The following H2BC12 variants were observed in gnomAD, a reference collection of about 807,000 sequenced individuals.
H2BC12 encodes histone H2B type 1-K.
H2BC12 carries 6 observed loss-of-function variants against 6.3 expected under a neutral mutation model. The ratio of observed to expected loss-of-function variants is 0.95; its 90% confidence interval spans 0.52 to 1.87. The LOEUF is 1.87. Among genes scored for constraint, H2BC12 ranks in the 40% most tolerant of loss-of-function variants. The pLI is 0.01. For synonymous variants in H2BC12, 132 were observed against 78.5 expected (o/e 1.68, Z -3.60); for missense variants, 119 against 178.4 (o/e 0.67, Z 1.90).
At chr6:27,139,530 G>A in the H2BC12 span, 1 of 1,614,040 alleles carries the variant, frequency 6.2e-7, no homozygotes, top group African/African-American at 1.3e-5. Flanking sequence ...TGACCTACAC[G>A]GAGCACGCCA....
chr6:27,139,557 C>G, the H2BC12 span: 1 of 1,614,092 alleles, frequency 6.2e-7, no homozygotes, highest in South Asian at 1.1e-5. Flanking sequence ...AGACGGTCAC[C>G]GCCATGGACG....
At chr6:27,139,494 C>T in the H2BC12 span, 10 of 1,614,026 alleles carry the variant, frequency 6.2e-6, no homozygotes, top group Non-Finnish European at 8.5e-6. Context: ...TGAAGGTGTT[C>T]CTGGAGAACG....
At chr6:27,143,474 A>G (rs1479026590), downstream of H2BC12, among the ~76,000 whole-genome samples, 1 of 152,124 alleles carries the variant, frequency 6.6e-6, no homozygotes, top group Non-Finnish European at 1.5e-5. Flanking sequence ...ATTACAATTC[A>G]TAGGCATTGA....
At chr6:27,141,643 C>G (rs189282574), downstream of H2BC12, among the ~76,000 whole-genome samples, 5 of 152,172 alleles carry the variant, frequency 3.3e-5, no homozygotes, top group African/African-American at 4.8e-5. Context: ...TCACTTAATC[C>G]CAATTGGAAT....
chr6:27,141,729 T>C (rs1240874103), downstream of H2BC12, among the ~76,000 whole-genome samples: 1 of 152,236 alleles, frequency 6.6e-6, no homozygotes, highest in East Asian at 1.9e-4. Context: ...ATGTTATTGT[T>C]AAATCTGCAG....
At chr6:27,145,378 A>T (rs573388351), downstream of H2BC12, among the ~76,000 whole-genome samples, 57 of 151,604 alleles carry the variant, frequency 3.8e-4, 1 homozygote, top group Non-Finnish European at 4.9e-4. Context: ...CTAAATCACA[A>T]ATTTAGCCAG....
chr6:27,144,227 C>T (rs1001416528), downstream of H2BC12, among the ~76,000 whole-genome samples: 1 of 152,012 alleles, frequency 6.6e-6, no homozygotes, highest in African/African-American at 2.4e-5. Flanking sequence ...TTTAGGAGGC[C>T]GAGGCAGGTG....
rs759189956 is a variant in H2BC12, at chr6:27,146,681, C to G, written c.118G>C (p.Val40Leu). 1.2e-6 allele frequency: 2 copies of G among 1,614,122 alleles called. No homozygotes were observed. Among genetic ancestry groups the G allele is most frequent in the Non-Finnish European group, 1.7e-6 (2 of 1,180,046 alleles). ...TGCTTCAGCACCTTGTACACGTATA[C>G]GGAGTAGCTCTCCTTGCGGCTGCGC... ...RKRSRKESYS[V>L]YVYKVLKQVH... The change falls in exon 1 of 1, where the codon GTA becomes CTA. Residue 40 changes from valine (V) to leucine (L), a missense_variant. Physicochemically the swap from Val to Leu is conservative, Grantham distance 32 (BLOSUM62 1). This residue lies in a region of H2BC12 where 69 missense variants were observed against 141.0 expected (regional missense o/e 0.49). Coordinates refer to ENST00000356950, the MANE Select transcript of H2BC12 (RefSeq NM_001312653.2).
At chr6:27,145,968 C>G (rs543383549), downstream of H2BC12, among the ~76,000 whole-genome samples, 1 of 152,278 alleles carries the variant, frequency 6.6e-6, no homozygotes, top group South Asian at 2.1e-4. Flanking sequence ...GAAAGCCATA[C>G]GTACTGGAAC....
the H2BC12 span, among the ~76,000 whole-genome samples, chr6:27,140,926 C>A: frequency 6.7e-6 from 1 of 149,912 alleles, no homozygotes; most frequent in South Asian, 2.1e-4. Context: ...TTCGTGATAT[C>A]TTTGGATGTG....
the H2BC12 span, among the ~76,000 whole-genome samples, chr6:27,141,340 A>G: frequency 6.6e-6 from 1 of 152,130 alleles, no homozygotes; most frequent in Non-Finnish European, 1.5e-5. Context: ...CTCGTATCTC[A>G]TATTCTTGTG....
At chr6:27,139,355 CCAAGCGCCACCGCAAGGTGCTGCGCGA>C in the H2BC12 span, 2 of 1,613,858 alleles carry the variant, frequency 1.2e-6, no homozygotes, top group African/African-American at 1.3e-5. Flanking sequence ...AAAGGGGGTG[CCAAGCGCCACCGCAAGGTGCTGCGCGA>C]CAACATCCAG....
In H2BC12 at chr6:27,146,622, G is replaced by A. The variant is rs769220282; in HGVS notation, c.177C>T (p.Ala59=). The A allele has an allele frequency of 1.2e-5, 20 of 1,614,134 alleles. No individual in the cohort carries two copies. Among genetic ancestry groups the A allele is most frequent in the African/African-American group, 8.0e-5 (6 of 74,944 alleles). Residue 59 remains alanine, a synonymous_variant, in exon 1 of 1, where the codon GCC becomes GCT. Transcript: ENST00000356950. ...TGACGAAGGAGTTCATGATTCCCAT[G>A]GCCTTAGAGGAGATGCCGGTGTCGG... ...VHPDTGISSK[A]MGIMNSFVND...
the H2BC12 span, chr6:27,139,593 C>G: frequency 1.2e-6 from 2 of 1,613,342 alleles, no homozygotes; most frequent in South Asian, 2.2e-5. Flanking sequence ...AGCGCCAGGG[C>G]CGCACCCTCT....
downstream of H2BC12, among the ~76,000 whole-genome samples, chr6:27,145,836 T>TG (rs138820175): frequency 4.3e-4 from 65 of 152,242 alleles, no homozygotes; most frequent in East Asian, 0.013. Context: ...TCCTGCCTGG[T>TG]GGTCTGGCAT....
downstream of H2BC12, among the ~76,000 whole-genome samples, chr6:27,145,076 C>G (rs1439141777): frequency 6.6e-6 from 1 of 152,086 alleles, no homozygotes; most frequent in Admixed American, 6.5e-5. Context: ...ATCAGTGCCT[C>G]CTATATAGGT....
chr6:27,139,187 C>A, the H2BC12 span: 1 of 1,083,928 alleles, frequency 9.2e-7, no homozygotes. Flanking sequence ...TAGGTCCCCT[C>A]CCCCAATGCA....
the H2BC12 span, chr6:27,139,974 A>G: frequency 8.0e-5 from 19 of 236,520 alleles, no homozygotes. Context: ...GGACCTTCAA[A>G]TACGTCTCAG....
downstream of H2BC12, among the ~76,000 whole-genome samples, chr6:27,143,331 G>A (rs1335053858): frequency 6.6e-6 from 1 of 151,650 alleles, no homozygotes; most frequent in Non-Finnish European, 1.5e-5. Flanking sequence ...CAGCCTTGGC[G>A]ACAGAGTAAG....
Sources: allele counts gnomAD v4.1 joint callset (sites outside exome capture counted in the v4.1 genomes callset), GRCh38; gene constraint gnomAD v4.1.1; regional missense constraint gnomAD v4.1.1; transcripts MANE v1.5; gene names NCBI Gene and HGNC (gene_info 2026-07-23, HGNC 2026-07-21).